Variants in YBEY observed in about 807,000 individuals in gnomAD.
YBEY encodes the protein ybeY metalloendoribonuclease, also known as endoribonuclease YbeY.
In YBEY, 15 loss-of-function variants were observed where a neutral mutation model predicts 13.5. The ratio of observed to expected loss-of-function variants is 1.11; its 90% CI spans 0.75 to 1.72. YBEY has a LOEUF of 1.72. Among genes scored for constraint, YBEY ranks in the 40% most tolerant of loss-of-function variants. The pLI, the probability that YBEY is intolerant of heterozygous loss-of-function variation, is 0.00. For synonymous variants in YBEY, 101 were observed against 83.1 expected (o/e 1.21, Z -1.17); for missense variants, 244 against 208.4 (o/e 1.17, Z -1.05).
the YBEY span, among the ~76,000 whole-genome samples, chr21:46,303,757 TTTTTTTTTTTTG>T: frequency 2.4e-5 from 2 of 82,214 alleles, no homozygotes; most frequent in Non-Finnish European, 5.0e-5. Context: ...TTTTTTTTTT[TTTTTTTTTTTTG>T]GAGACAGAGT....
chr21:46,310,436 G>A, the YBEY span, among the ~76,000 whole-genome samples: 93 of 151,104 alleles, frequency 6.2e-4, no homozygotes, highest in African/African-American at 2.0e-3. Context: ...CCAAGATGGC[G>A]CCATTGCACT....
intron 4 of YBEY, 64 bp from the exon 5 acceptor site, chr21:46,297,475 G>A: frequency 7.7e-7 from 1 of 1,293,182 alleles, no homozygotes; most frequent in Non-Finnish European, 9.9e-7. Context: ...CCGAGGAGGC[G>A]ACCCCAGAGA....
At chr21:46,303,708 AATAT>A in the YBEY span, among the ~76,000 whole-genome samples, 31 of 37,266 alleles carry the variant, frequency 8.3e-4, no homozygotes, top group African/African-American at 1.5e-3. Context: ...ACACACACAA[AATAT>A]ATATATATAT....
At chr21:46,289,453 T>TG (rs1483112134) in intron 2 of YBEY, among the ~76,000 whole-genome samples, 2 of 139,112 alleles carry the variant, frequency 1.4e-5, no homozygotes, top group Non-Finnish European at 3.2e-5. Flanking sequence ...TTTGTTTTTT[T>TG]TTTTTTTTTT....
chr21:46,302,298 C>G, downstream of YBEY: 1 of 1,365,644 alleles, frequency 7.3e-7, no homozygotes, highest in Non-Finnish European at 9.8e-7. Context: ...GCTCCTCCCC[C>G]GCCCCAAATT....
chr21:46,290,292 G>A (rs1396545071), intron 2 of YBEY, among the ~76,000 whole-genome samples: 3 of 151,780 alleles, frequency 2.0e-5, no homozygotes, highest in East Asian at 1.9e-4. Flanking sequence ...TGCAACCTCC[G>A]CCTCCCAGGT....
chr21:46,300,874 GC>G, downstream of YBEY: 1 of 1,078,770 alleles, frequency 9.3e-7, no homozygotes. Flanking sequence ...AAACATAATT[GC>G]ACCCAAAAAA....
chr21:46,302,237 G>C, downstream of YBEY: 2 of 1,432,462 alleles, frequency 1.4e-6, no homozygotes, highest in Non-Finnish European at 1.8e-6. Context: ...ACTGGGGCTG[G>C]ATCCCATGTG....
downstream of YBEY, chr21:46,301,003 G>T: frequency 3.4e-6 from 3 of 893,044 alleles, no homozygotes; most frequent in Non-Finnish European, 1.4e-6. Flanking sequence ...CCACTGCCCA[G>T]CACTCACCTT....
chr21:46,305,834 C>T, the YBEY span, among the ~76,000 whole-genome samples: 5 of 151,692 alleles, frequency 3.3e-5, no homozygotes, highest in East Asian at 3.9e-4. Flanking sequence ...CCCAGCTACT[C>T]GGAAGGCTGA....
Position 46,291,337 on chromosome 21 carries a change from C to A in YBEY, c.214C>A (p.Leu72Met). Residue 72 changes from leucine to methionine, a missense_variant, in exon 3 of 5, where the codon CTG becomes ATG. Leu to Met is a conservative substitution (Grantham distance 15). Transcript: ENST00000397701. ...TCTACATTTCCTCATTTTTTAGCATCTGAAAGCAGGTGAATTTCCCCAGCC... is the reference window on the plus strand; with the variant it reads ...TCTACATTTCCTCATTTTTTAGCATATGAAAGCAGGTGAATTTCCCCAGCC... ...DVLSFPFHEH[L>M]KAGEFPQPDF... 6.2e-7 allele frequency: 1 copy of A among 1,613,806 alleles called. No homozygotes were observed. The highest frequency in any genetic ancestry group is 8.5e-7 in the Non-Finnish European group (1 of 1,179,898).
chr21:46,287,909 G>C (rs1056476733), intron 2 of YBEY, among the ~76,000 whole-genome samples: 1 of 152,090 alleles, frequency 6.6e-6, no homozygotes, highest in Non-Finnish European at 1.5e-5. Context: ...CTACCTGGGA[G>C]GCTGAGGCAG....
At chr21:46,291,148 G>C (rs1427419405) in intron 2 of YBEY, among the ~76,000 whole-genome samples, 186 bp from the exon 3 acceptor site, 2 of 147,848 alleles carry the variant, frequency 1.4e-5, no homozygotes, top group Admixed American at 1.4e-4. Context: ...AGTGAGCCGA[G>C]ATCGCGCCAT....
chr21:46,298,433 G>GTTTTTTTTTTTTTT (rs1569107101), downstream of YBEY, among the ~76,000 whole-genome samples: 2 of 67,238 alleles, frequency 3.0e-5, no homozygotes, highest in Non-Finnish European at 7.3e-5. Flanking sequence ...TTTAATCCAA[G>GTTTTTTTTTTTTTT]CTTTTTTTTT....
chr21:46,301,164 CAG>C (rs1370449361), downstream of YBEY: 34 of 793,054 alleles, frequency 4.3e-5, no homozygotes, highest in South Asian at 7.0e-4. Flanking sequence ...ATTTTTGAGA[CAG>C]GGGCCTGCTC....
At chr21:46,302,511 G>T (rs1215745512), downstream of YBEY, 9 of 1,612,086 alleles carry the variant, frequency 5.6e-6, no homozygotes, top group South Asian at 9.9e-5. Flanking sequence ...AGGGCCTTGA[G>T]CATCCAGTTC....
In YBEY at chr21:46,286,965, C is replaced by G. The variant is rs2081461912; in HGVS notation, c.52C>G (p.Pro18Ala). 4 of 1,614,060 alleles carry G rather than the reference C, an allele frequency of 2.5e-6. No homozygotes were observed. The highest frequency in any genetic ancestry group is 1.6e-4 in the Middle Eastern group (1 of 6,062). ...LQRVIPIRRA[P>A]LRSKIEIVRR... ...GCGAGTCATCCCCATCAGGAGAGCG[C>G]CACTTCGCAGTAAGATCGAGATTGT... The change falls in exon 2 of 5, where the codon CCA becomes GCA. Residue 18 changes from proline (P) to alanine (A), a missense_variant. By Grantham distance (27) the Pro-to-Ala change is conservative. Coordinates refer to ENST00000397701, the MANE Select transcript of YBEY (RefSeq NM_001314025.2).
chr21:46,297,474 C>G, intron 4 of YBEY, 65 bp from the exon 5 acceptor site: 3 of 1,293,524 alleles, frequency 2.3e-6, no homozygotes, highest in Non-Finnish European at 3.0e-6. Flanking sequence ...CCCGAGGAGG[C>G]GACCCCAGAG....
rs199837524 is a variant in YBEY at position 46,296,247 on chromosome 21, T to A, written c.408+17T>A. ...TGGCAGCAGGTAAGGAGCCCATCCA[T>A]CCCACTACCGAGGGGGTGCGTGGGG... On this transcript the variant is annotated intron_variant, in intron 4 of 4. Coordinates refer to ENST00000397701, the MANE Select transcript of YBEY (RefSeq NM_001314025.2). 381 of 1,612,954 alleles carry A rather than the reference T, an allele frequency of 2.4e-4. 1 individual carries two copies. In the East Asian group the frequency reaches 6.5e-3, roughly 28 times the overall value.
Sources: gnomAD v4.1 joint callset for allele counts (sites outside exome capture counted in the v4.1 genomes callset) on GRCh38, gnomAD v4.1.1 for gene constraint, MANE v1.5 for transcripts, NCBI Gene and HGNC (gene_info 2026-07-23, HGNC 2026-07-21) for gene names.